Variants in SV2C observed in about 807,000 individuals in gnomAD.
SV2C encodes the protein synaptic vesicle glycoprotein 2C, also known as solute carrier family 22 member B3.
SV2C carries 49 observed loss-of-function variants against 79.7 expected under a neutral mutation model. The ratio of observed to expected loss-of-function variants is 0.61; its 90% CI spans 0.49 to 0.78. The LOEUF is 0.78. SV2C is among the 30% of genes least tolerant of loss of function. The probability of loss-of-function intolerance (pLI) is 0.00; values close to 1 mark genes in which losing one functional copy is unlikely to be tolerated. For synonymous variants in SV2C, 334 were observed against 333.2 expected (o/e 1.00, Z -0.03); for missense variants, 833 against 912.9 (o/e 0.91, Z 1.13).
intron 2 of SV2C, among the ~76,000 whole-genome samples, chr5:76,160,715 G>T (rs1742873166): frequency 6.6e-6 from 1 of 152,124 alleles, no homozygotes; most frequent in South Asian, 2.1e-4. Flanking sequence ...ACTTAAAATG[G>T]CAAAGGACTT....
the SV2C span, among the ~76,000 whole-genome samples, chr5:75,851,425 AG>A: frequency 6.6e-6 from 1 of 152,238 alleles, no homozygotes; most frequent in African/African-American, 2.4e-5. Flanking sequence ...TAGCCGGTGT[AG>A]GCAGTTCTAC....
the SV2C span, among the ~76,000 whole-genome samples, chr5:76,014,954 A>T: frequency 1.3e-5 from 2 of 152,180 alleles, no homozygotes; most frequent in Non-Finnish European, 2.9e-5. Context: ...AGTTAAATAC[A>T]TTCCATTCTT....
chr5:76,081,748 G>T (rs1476947167), upstream of SV2C, among the ~76,000 whole-genome samples: 1 of 152,160 alleles, frequency 6.6e-6, no homozygotes, highest in Non-Finnish European at 1.5e-5. Flanking sequence ...GAACCAGAGA[G>T]GAGGGAAAAT....
intron 1 of SV2C, among the ~76,000 whole-genome samples, chr5:76,093,682 C>T (rs1352663596): frequency 6.6e-6 from 1 of 152,208 alleles, no homozygotes; most frequent in Non-Finnish European, 1.5e-5. Flanking sequence ...CCTCTATCAG[C>T]TGGCTTCTGA....
intron 12 of SV2C, among the ~76,000 whole-genome samples, chr5:76,316,544 G>A (rs1212761931): frequency 4.6e-5 from 7 of 152,168 alleles, no homozygotes; most frequent in Admixed American, 4.6e-4. Flanking sequence ...GGTTCAATCA[G>A]ATTGCTATCC....
the SV2C span, among the ~76,000 whole-genome samples, chr5:75,876,319 C>A: frequency 2.0e-5 from 3 of 152,012 alleles, no homozygotes; most frequent in African/African-American, 7.2e-5. Flanking sequence ...AATGCAGGAA[C>A]AGAAAACCAA....
the SV2C span, among the ~76,000 whole-genome samples, chr5:75,993,385 T>G: frequency 1.1e-4 from 17 of 151,932 alleles, no homozygotes; most frequent in African/African-American, 3.4e-4. Context: ...TGGCCTGTAC[T>G]CAAGGGAGCG....
chr5:76,199,881 A>G (rs1744383389), intron 3 of SV2C, among the ~76,000 whole-genome samples: 1 of 152,250 alleles, frequency 6.6e-6, no homozygotes, highest in African/African-American at 2.4e-5. Flanking sequence ...AACCAACTGA[A>G]TGAAGGGGAG....
the SV2C span, among the ~76,000 whole-genome samples, chr5:75,908,384 G>A: frequency 0.017 from 2,522 of 152,314 alleles, 36 homozygotes; most frequent in African/African-American, 0.043. Context: ...ACTGTAGTAT[G>A]TATCAGTACG....
intron 1 of SV2C, among the ~76,000 whole-genome samples, chr5:76,120,926 C>T (rs1469957587): frequency 2.0e-5 from 3 of 151,216 alleles, no homozygotes; most frequent in Non-Finnish European, 4.4e-5. Context: ...AGTTCTAGAT[C>T]CCTGAGGAAT....
chr5:76,116,050 T>C (rs1460052368), intron 1 of SV2C, among the ~76,000 whole-genome samples: 1 of 152,230 alleles, frequency 6.6e-6, no homozygotes, highest in Non-Finnish European at 1.5e-5. Context: ...CCACTCTTCC[T>C]AGAAGAGCAG....
intron 4 of SV2C, chr5:76,281,014 AC>A (rs1173981551): frequency 1.9e-6 from 1 of 540,146 alleles, no homozygotes; most frequent in East Asian, 5.3e-5. Flanking sequence ...GAAATGAGAA[AC>A]AGTATCTTAG....
intron 4 of SV2C, among the ~76,000 whole-genome samples, chr5:76,214,773 T>G (rs897695212): frequency 6.6e-6 from 1 of 152,226 alleles, no homozygotes; most frequent in Non-Finnish European, 1.5e-5. Context: ...TTTATTCTTT[T>G]TGATGCTATT....
At chr5:76,289,932 T>A (rs772550504) in intron 6 of SV2C, among the ~76,000 whole-genome samples, 1 of 152,208 alleles carries the variant, frequency 6.6e-6, no homozygotes, top group Non-Finnish European at 1.5e-5. Context: ...TTTTTCGTTT[T>A]GTATGGTAAT....
intron 4 of SV2C, among the ~76,000 whole-genome samples, chr5:76,235,488 A>C (rs1198650531): frequency 6.6e-6 from 1 of 152,236 alleles, no homozygotes; most frequent in Non-Finnish European, 1.5e-5. Context: ...AGAGAGATTG[A>C]AATTACAAAT....
chr5:76,285,229 A>C lies in SV2C; in HGVS notation c.981A>C (p.Ala327=), dbSNP rs762423279. The change falls in exon 5 of 13, where the codon GCA becomes GCC. Residue 327 remains alanine, a synonymous_variant. Transcript: ENST00000502798. The part of the protein sequence containing the change: ...HSWRVFVIVC[A]LPCVSSVVAL... ...GGCGTGTGTTTGTCATCGTCTGTGC[A>C]CTCCCCTGTGTCTCCTCCGTGGTGG... The C allele has an allele frequency of 7.4e-6, 12 of 1,613,400 alleles. No homozygotes were observed. The highest frequency in any genetic ancestry group is 8.5e-6 in the Non-Finnish European group (10 of 1,179,898).
At chr5:75,858,420 T>G in the SV2C span, among the ~76,000 whole-genome samples, 1 of 152,218 alleles carries the variant, frequency 6.6e-6, no homozygotes, top group African/African-American at 2.4e-5. Context: ...GATTTGTGTA[T>G]GTTGAACCAT....
At chr5:76,347,471 GTCTC>G (rs1228945812) in intron 12 of SV2C, among the ~76,000 whole-genome samples, 2 of 146,366 alleles carry the variant, frequency 1.4e-5, no homozygotes, top group Non-Finnish European at 3.0e-5. Context: ...TTGAGACAGA[GTCTC>G]TCTCTGTCGC....
the SV2C span, among the ~76,000 whole-genome samples, chr5:76,002,857 C>G: frequency 7.8e-6 from 1 of 127,438 alleles, no homozygotes; most frequent in East Asian, 2.0e-4. Flanking sequence ...CCCATTACTT[C>G]TGTGCGTGTG....
Sources: gnomAD v4.1 joint callset for allele counts (sites outside exome capture counted in the v4.1 genomes callset) on GRCh38, gnomAD v4.1.1 for gene constraint, MANE v1.5 for transcripts, NCBI Gene and HGNC (gene_info 2026-07-23, HGNC 2026-07-21) for gene names.